The following ZBTB8OS variants were observed in gnomAD, a reference collection of about 807,000 sequenced individuals.
ZBTB8OS encodes tRNA-splicing ligase-activating factor archease.
A neutral mutation model predicts 29.3 loss-of-function variants in ZBTB8OS; 16 were observed. That is an observed-to-expected ratio of 0.55 (90% CI 0.37 to 0.83). The LOEUF is 0.83. ZBTB8OS is among the 40% of genes least tolerant of loss of function. ZBTB8OS has a pLI of 0.00. For synonymous variants in ZBTB8OS, 70 were observed against 64.6 expected, an observed-to-expected ratio of 1.08 and a Z score of -0.40; for missense variants, 160 against 196.9, an observed-to-expected ratio of 0.81 and a Z score of 1.12.
At chr1:32,624,829 G>C (rs1280324174) in intron 6 of ZBTB8OS, among the ~76,000 whole-genome samples, 1 of 151,910 alleles carries the variant, frequency 6.6e-6, no homozygotes, top group Non-Finnish European at 1.5e-5. Flanking sequence ...GGGAGGTGGA[G>C]GTTGCAGTGA....
At chr1:32,646,320 AG>A (rs1264570989) in intron 1 of ZBTB8OS, among the ~76,000 whole-genome samples, 2 of 151,850 alleles carry the variant, frequency 1.3e-5, no homozygotes, top group African/African-American at 4.8e-5. Flanking sequence ...AGACTGTCTC[AG>A]GGAAAAAAAA....
At chr1:32,635,187 C>T (rs183841810) in intron 1 of ZBTB8OS, among the ~76,000 whole-genome samples, 1 of 152,120 alleles carries the variant, frequency 6.6e-6, no homozygotes, top group African/African-American at 2.4e-5. Context: ...TCCTGATATT[C>T]CCACAGGAAA....
At chr1:32,644,187 C>T (rs916644517) in intron 1 of ZBTB8OS, among the ~76,000 whole-genome samples, 3 of 152,094 alleles carry the variant, frequency 2.0e-5, no homozygotes, top group Non-Finnish European at 2.9e-5. Context: ...GTGATAGATC[C>T]GGGGCTTTGG....
At chr1:32,641,735 A>G (rs1475139903) in intron 1 of ZBTB8OS, among the ~76,000 whole-genome samples, 5 of 149,544 alleles carry the variant, frequency 3.3e-5, no homozygotes, top group Middle Eastern at 7.0e-3. Context: ...AACATGGTGA[A>G]ACCCCGTCTC....
chr1:32,621,881 A>G lies in ZBTB8OS; in HGVS notation c.485T>C (p.Phe162Ser), dbSNP rs1246028575. The G allele has an allele frequency of 1.5e-5, 24 of 1,594,100 alleles. No individual in the cohort carries two copies. Among genetic ancestry groups the G allele is most frequent in the Non-Finnish European group, 2.0e-5 (24 of 1,176,332 alleles). ...GGTGTCTTAAATGTCAATGATCACA[A>G]AAACTTCCGGGTTCTCTTCATTATA... Reference protein sequence around the residue: ...QVYNEENPEVFVIIDI With the variant: ...QVYNEENPEVSVIIDI The change falls in exon 7 of 7, where the codon TTT becomes TCT. Residue 162 changes from phenylalanine (F) to serine (S), a missense_variant. Transcript: ENST00000468695.
rs1644730513 is a variant in ZBTB8OS, at chr1:32,621,177, G to A, written c.*685C>T. ...GTACCTTGGGAGGCCAAGGTGGGCGGATCACAAGGTCAGGAGATCAAGACC... is the reference window on the plus strand; with the variant it reads ...GTACCTTGGGAGGCCAAGGTGGGCGAATCACAAGGTCAGGAGATCAAGACC... On this transcript the variant is annotated 3_prime_UTR_variant, in exon 7 of 7. Coordinates refer to ENST00000468695, the MANE Select transcript of ZBTB8OS (RefSeq NM_178547.5). The A allele has an allele frequency of 6.6e-6, 1 of 152,142 alleles. No individual in the cohort carries two copies. Among genetic ancestry groups the A allele is most frequent in the Non-Finnish European group, 1.5e-5 (1 of 68,040 alleles). The allele number at this position is 152,142 out of a possible 1,614,324, so 9.4% of individuals were successfully genotyped here.
chr1:32,638,603 C>A (rs957003118), intron 1 of ZBTB8OS, among the ~76,000 whole-genome samples: 1 of 152,030 alleles, frequency 6.6e-6, no homozygotes, highest in Non-Finnish European at 1.5e-5. Flanking sequence ...TTTTTAAATA[C>A]GTATTAATTC....
intron 5 of ZBTB8OS, among the ~76,000 whole-genome samples, chr1:32,628,070 C>T (rs181517946): frequency 2.0e-5 from 3 of 151,136 alleles, no homozygotes; most frequent in East Asian, 2.0e-4. Context: ...ATAGGCCAGG[C>T]GCGGTGGCTC....
At chr1:32,644,534 CTT>C (rs57960226) in intron 1 of ZBTB8OS, among the ~76,000 whole-genome samples, 60 of 126,966 alleles carry the variant, frequency 4.7e-4, no homozygotes, top group East Asian at 2.3e-3. Flanking sequence ...TTTCTTTTTC[CTT>C]TTTTTTTTTT....
In ZBTB8OS at chr1:32,621,967, A is replaced by G. The variant is rs530223624; in HGVS notation, c.418-19T>C. ...CTGTTCCCTAAAGTTGGGGTTAGAG[A>G]AAAAAAAAAAAAAAAGGAAAATAGG... On this transcript the variant is annotated intron_variant, in intron 6 of 6. Transcript: ENST00000468695. The G allele has an allele frequency of 3.5e-3, 1,428 of 406,432 alleles. 10 individuals carry two copies. Among genetic ancestry groups the G allele is most frequent in the Non-Finnish European group, 5.4e-4 (156 of 291,372 alleles). 25.2% of individuals were successfully genotyped at this position (406,432 alleles called of 1,614,324 possible). A position where few individuals can be genotyped will look rare whatever the true frequency, so the allele number is the denominator to read the frequency against.
chr1:32,630,794 C>G (rs117003206), intron 5 of ZBTB8OS, among the ~76,000 whole-genome samples: 5,837 of 151,182 alleles, frequency 0.039, 230 homozygotes, highest in East Asian at 0.12. Context: ...GGCAGATCAC[C>G]TGAGGTCAGG....
At chr1:32,642,271 A>C (rs573591896) in intron 1 of ZBTB8OS, among the ~76,000 whole-genome samples, 94 of 152,318 alleles carry the variant, frequency 6.2e-4, no homozygotes, top group Middle Eastern at 6.8e-3. Context: ...TGGGAGGCCA[A>C]GGCAGGCAAA....
intron 1 of ZBTB8OS, among the ~76,000 whole-genome samples, chr1:32,645,508 A>G (rs1646765311): frequency 6.6e-6 from 1 of 152,168 alleles, no homozygotes; most frequent in Non-Finnish European, 1.5e-5. Context: ...TCTAGCATAC[A>G]GTTTGGTGCT....
intron 6 of ZBTB8OS, among the ~76,000 whole-genome samples, chr1:32,624,260 T>C (rs769991837): frequency 3.3e-5 from 5 of 152,216 alleles, no homozygotes; most frequent in Non-Finnish European, 5.9e-5. Context: ...CAACCACTCT[T>C]ACCTTATCCT....
rs78907409 is a variant in ZBTB8OS at position 32,621,966 on chromosome 1, GAAAAA to G, written c.418-23_418-19del. 1.3e-4 allele frequency: 118 copies of G among 920,774 alleles called. No homozygotes were observed. Among genetic ancestry groups the G allele is most frequent in the Admixed American group, 2.3e-4 (6 of 25,782 alleles). The allele number at this position is 920,774 out of a possible 1,614,324, so 57.0% of individuals were successfully genotyped here. ...TCTGTTCCCTAAAGTTGGGGTTAGA[GAAAAA>G]AAAAAAAAAAAGGAAAATAGGATAT... is the stretch of plus-strand genomic sequence containing the variant. On this transcript the variant is annotated intron_variant, in intron 6 of 6. Transcript: ENST00000468695.
At chr1:32,623,570 C>A (rs1644891737) in intron 6 of ZBTB8OS, among the ~76,000 whole-genome samples, 1 of 152,100 alleles carries the variant, frequency 6.6e-6, no homozygotes, top group Admixed American at 6.6e-5. Context: ...AATGGCTTGT[C>A]CCTGGCTCCC....
chr1:32,630,994 G>A (rs111957769), intron 5 of ZBTB8OS, among the ~76,000 whole-genome samples: 10,180 of 151,788 alleles, frequency 0.067, 1,123 homozygotes, highest in African/African-American at 0.23. Context: ...GCAACAGAGC[G>A]AGACTCTGTC....
chr1:32,650,828 C>G (rs1469681497), upstream of ZBTB8OS: 6 of 512,018 alleles, frequency 1.2e-5, no homozygotes, highest in East Asian at 6.7e-5. Flanking sequence ...GGTTCTTTCC[C>G]CCGCTTCACC....
Position 32,621,949 on chromosome 1 carries a change from C to T in ZBTB8OS, c.418-1G>A, listed in dbSNP as rs1239390937. 3.2e-6 allele frequency: 5 copies of T among 1,541,812 alleles called. No homozygotes were observed. Among genetic ancestry groups the T allele is most frequent in the South Asian group, 1.3e-5 (1 of 79,710 alleles). On this transcript the variant is annotated splice_acceptor_variant, in intron 6 of 6. Transcript: ENST00000468695. LOFTEE classifies it high-confidence loss of function. The stretch of plus-strand genomic sequence containing the variant: ...ATGTTATTGCTTTGACTTCTGTTCC[C>T]TAAAGTTGGGGTTAGAGAAAAAAAA...
Sources: gnomAD v4.1 joint callset for allele counts (sites outside exome capture counted in the v4.1 genomes callset) on GRCh38, gnomAD v4.1.1 for gene constraint, MANE v1.5 for transcripts, NCBI Gene and HGNC (gene_info 2026-07-23, HGNC 2026-07-21) for gene names.